DOCK2: variants seen among roughly 807,000 people sequenced by gnomAD.
The protein encoded by DOCK2 is dedicator of cytokinesis protein 2.
DOCK2 carries 87 observed loss-of-function variants against 248.9 expected under a neutral mutation model. The observed-to-expected ratio is 0.35, with a 90% confidence interval of 0.29 to 0.42. The LOEUF (loss-of-function observed/expected upper bound fraction) is 0.42. Among genes scored for constraint, DOCK2 ranks in the 10% least tolerant of loss-of-function variants. The pLI is 1.00. For missense variants in DOCK2, 1,747 were observed against 2,300.2 expected (o/e 0.76, Z 4.92); for synonymous variants, 805 against 821.6 (o/e 0.98, Z 0.35).
intron 27 of DOCK2, among the ~76,000 whole-genome samples, chr5:169,956,181 T>C (rs1776858585): frequency 6.6e-6 from 1 of 152,228 alleles, no homozygotes; most frequent in Non-Finnish European, 1.5e-5. Flanking sequence ...AGGGCAAAAC[T>C]TGATGGTCTC....
rs1421947629 is a variant in DOCK2, at chr5:169,979,051, G to A, written c.2800-4017G>A. Among the ~76,000 whole-genome samples the A allele has an allele frequency of 2.6e-5, 4 of 152,156 alleles. No homozygotes were observed. The East Asian group carries it at 7.7e-4, about 29-fold the overall frequency. On this transcript the variant is annotated intron_variant, in intron 27 of 51. Coordinates refer to ENST00000520908, the MANE Select transcript of DOCK2 (RefSeq NM_004946.3). Reference sequence around the variant, plus strand: ...CATGCTGCTTGGATATGGATGAGTGGCTGCCTCATTCCTAGGTAGTAAATA... The same window carrying A: ...CATGCTGCTTGGATATGGATGAGTGACTGCCTCATTCCTAGGTAGTAAATA...
intron 25 of DOCK2, among the ~76,000 whole-genome samples, chr5:169,765,936 C>G (rs1764759781): frequency 6.6e-6 from 1 of 152,150 alleles, no homozygotes; most frequent in South Asian, 2.1e-4. Flanking sequence ...TCACAGTGTA[C>G]AAGGGGCTGG....
chr5:169,855,714 A>G (rs1053804717), intron 27 of DOCK2, among the ~76,000 whole-genome samples: 1 of 152,196 alleles, frequency 6.6e-6, no homozygotes, highest in African/African-American at 2.4e-5. Context: ...TAAACTAAAC[A>G]ACACTTCCTG....
chr5:169,821,085 A>G lies in DOCK2; in HGVS notation c.2703+17879A>G, dbSNP rs139423723. ...GTTTAGAGAAAAAAGAATAAAAAGA[A>G]ACAAACAAACCTTCAAAGAAATATG... is the stretch of plus-strand genomic sequence containing the variant. On this transcript the variant is annotated intron_variant, in intron 26 of 51. Coordinates refer to ENST00000520908, the MANE Select transcript of DOCK2 (RefSeq NM_004946.3). 1.8e-3 allele frequency among the ~76,000 whole-genome samples: 267 copies of G among 152,338 alleles called. 1 individual carries two copies. The highest frequency in any genetic ancestry group is 1.5e-3 in the Non-Finnish European group (102 of 68,026).
intron 41 of DOCK2, among the ~76,000 whole-genome samples, chr5:170,054,600 G>A (rs1049827845): frequency 3.9e-5 from 6 of 152,214 alleles, no homozygotes; most frequent in Non-Finnish European, 5.9e-5. Context: ...CAAATTTTCA[G>A]AGTTGGGGTG....
intron 27 of DOCK2, among the ~76,000 whole-genome samples, chr5:169,900,887 G>A (rs570935562): frequency 2.0e-5 from 3 of 152,168 alleles, no homozygotes; most frequent in Non-Finnish European, 4.4e-5. Flanking sequence ...GCAAATCATC[G>A]ATTAGGAGTT....
intron 25 of DOCK2, among the ~76,000 whole-genome samples, chr5:169,795,182 G>C (rs1766570757): frequency 6.6e-6 from 1 of 151,904 alleles, no homozygotes; most frequent in Middle Eastern, 3.2e-3. Context: ...AAGGATATAT[G>C]GTAAAAGCAA....
At chr5:170,037,013 A>G (rs931083724) in intron 36 of DOCK2, among the ~76,000 whole-genome samples, 3 of 152,222 alleles carry the variant, frequency 2.0e-5, no homozygotes, top group African/African-American at 7.2e-5. Flanking sequence ...ATATATCATG[A>G]AGGTTTTTTG....
chr5:169,932,130 C>T (rs569615237), intron 27 of DOCK2, among the ~76,000 whole-genome samples: 3 of 152,100 alleles, frequency 2.0e-5, no homozygotes, highest in African/African-American at 7.2e-5. Flanking sequence ...GATAAAGTGG[C>T]GTAAGAGCAT....
At chr5:169,823,470 G>T (rs903587942) in intron 26 of DOCK2, among the ~76,000 whole-genome samples, 1 of 152,056 alleles carries the variant, frequency 6.6e-6, no homozygotes, top group Non-Finnish European at 1.5e-5. Context: ...TTCAATATAC[G>T]CAAGTCAATA....
At chr5:170,051,332 C>T (rs1201664766) in intron 41 of DOCK2, among the ~76,000 whole-genome samples, 1 of 152,212 alleles carries the variant, frequency 6.6e-6, no homozygotes, top group Non-Finnish European at 1.5e-5. Context: ...CCCATCCTTC[C>T]TTCCCTTTCT....
chr5:170,028,984 GTATA>G (rs1258502714), intron 34 of DOCK2, among the ~76,000 whole-genome samples: 1 of 152,160 alleles, frequency 6.6e-6, no homozygotes, highest in African/African-American at 2.4e-5. Flanking sequence ...CTCAGTTAAT[GTATA>G]TTTAGGCTGT....
At chr5:169,737,849 T>A (rs1274608633) in intron 22 of DOCK2, among the ~76,000 whole-genome samples, 1 of 152,184 alleles carries the variant, frequency 6.6e-6, no homozygotes, top group Non-Finnish European at 1.5e-5. Context: ...ATCAAATAGG[T>A]AAATGTGTTT....
chr5:169,964,684 C>A (rs1341436010), intron 27 of DOCK2, among the ~76,000 whole-genome samples: 1 of 152,264 alleles, frequency 6.6e-6, no homozygotes, highest in Non-Finnish European at 1.5e-5. Flanking sequence ...ACCAGGTGAT[C>A]AGGCTGGAGC....
In DOCK2 at chr5:170,027,893, C is replaced by T; in HGVS notation, c.3412C>T (p.His1138Tyr). 2 of 1,613,018 alleles carry T rather than the reference C, an allele frequency of 1.2e-6. No homozygotes were observed. Among genetic ancestry groups the T allele is most frequent in the Non-Finnish European group, 1.7e-6 (2 of 1,179,396 alleles). ...FENEIILKLD[H>Y]EVEGGRGDEQ... ...AAACGAAATCATCCTGAAGCTGGAC[C>T]ACGAGGTAGAAGGGGGCCGAGGCGA... The change falls in exon 34 of 52, where the codon CAC (histidine) becomes TAC (tyrosine). Residue 1138 changes from histidine to tyrosine, a missense_variant. Physicochemically the swap from His to Tyr is moderately conservative, Grantham distance 83 (BLOSUM62 2). This residue lies in a region of DOCK2 where 858 missense variants were observed against 1,183.5 expected (regional missense o/e 0.72). Transcript: ENST00000520908.
chr5:169,789,454 A>G (rs1043500574), intron 25 of DOCK2, among the ~76,000 whole-genome samples: 4 of 152,210 alleles, frequency 2.6e-5, no homozygotes, highest in African/African-American at 9.6e-5. Context: ...TGCTCCCATC[A>G]ATTGACTGCT....
chr5:169,985,696 T>C, intron 28 of DOCK2, 132 bp from the exon 29 acceptor site: 1 of 545,836 alleles, frequency 1.8e-6, no homozygotes, highest in Non-Finnish European at 3.1e-6. Context: ...TCCATTTAAT[T>C]TAGTTAATGA....
intron 25 of DOCK2, among the ~76,000 whole-genome samples, chr5:169,779,706 C>T (rs760933399): frequency 9.9e-5 from 15 of 152,256 alleles, no homozygotes; most frequent in African/African-American, 2.2e-4. Context: ...ACCCCACCCC[C>T]GCATCATCCC....
intron 8 of DOCK2, among the ~76,000 whole-genome samples, 154 bp from the exon 9 acceptor site, chr5:169,689,098 T>A (rs553419589): frequency 2.0e-5 from 3 of 152,246 alleles, no homozygotes; most frequent in African/African-American, 7.2e-5. Flanking sequence ...ACAACTGTGA[T>A]CTCTCGGAGG....
Sources: gnomAD v4.1 joint callset for allele counts (sites outside exome capture counted in the v4.1 genomes callset) on GRCh38, gnomAD v4.1.1 for gene constraint, gnomAD v4.1.1 regional missense constraint, MANE v1.5 for transcripts, NCBI Gene and HGNC (gene_info 2026-07-23, HGNC 2026-07-21) for gene names.